Variants in PTPN13 observed in about 807,000 individuals in gnomAD.
PTPN13 encodes the protein tyrosine-protein phosphatase non-receptor type 13.
A neutral mutation model predicts 284.0 loss-of-function variants in PTPN13; 191 were observed. That is an observed-to-expected ratio of 0.67 (90% CI 0.60 to 0.76). The LOEUF (loss-of-function observed/expected upper bound fraction) is 0.76, where lower values mean the gene tolerates loss of function less well. Ranked by LOEUF, PTPN13 falls within the 30% of genes least tolerant of loss-of-function variation. The probability of loss-of-function intolerance (pLI) is 0.00; values close to 1 mark genes in which losing one functional copy is unlikely to be tolerated. For synonymous variants in PTPN13, 986 were observed against 1,022.3 expected (o/e 0.96, Z 0.68); for missense variants, 2,797 against 2,939.9 (o/e 0.95, Z 1.12).
At chr4:86,782,359 GTCT>G in intron 37 of PTPN13, 97 bp downstream of exon 37, 1 of 1,146,234 alleles carries the variant, frequency 8.7e-7, no homozygotes, top group Non-Finnish European at 1.3e-6. Flanking sequence ...TTAAATATTT[GTCT>G]TCTTTAGATA....
intron 17 of PTPN13, among the ~76,000 whole-genome samples, chr4:86,748,905 T>C (rs1158808721): frequency 1.3e-5 from 2 of 152,188 alleles, no homozygotes; most frequent in African/African-American, 4.8e-5. Context: ...TCCGCCCACC[T>C]CAGCCTCCCA....
intron 47 of PTPN13, 68 bp from the exon 48 acceptor site, chr4:86,814,388 A>G: frequency 9.9e-7 from 1 of 1,014,024 alleles, no homozygotes; most frequent in Non-Finnish European, 1.4e-6. Flanking sequence ...CAATAGTGGT[A>G]TAGCTATATA....
intron 47 of PTPN13, 103 bp downstream of exon 47, chr4:86,811,211 G>C: frequency 1.7e-6 from 2 of 1,158,952 alleles, no homozygotes; most frequent in East Asian, 5.5e-5. Flanking sequence ...TCCCATGTTA[G>C]AGCATAAAAC....
intron 5 of PTPN13, chr4:86,690,027 C>T: frequency 3.4e-6 from 1 of 292,110 alleles, no homozygotes; most frequent in Admixed American, 5.0e-5. Flanking sequence ...TGTCAGATGG[C>T]TGCCAGGAAT....
intron 1 of PTPN13, among the ~76,000 whole-genome samples, chr4:86,597,593 A>AAT (rs201337164): frequency 0.01 from 1,584 of 152,290 alleles, 10 homozygotes; most frequent in Non-Finnish European, 0.013. Flanking sequence ...GTGGAGTTCT[A>AAT]ATAATCCTTT....
rs933023975 is a variant in PTPN13 at position 86,619,552 on chromosome 4, C to T, written c.-5-15700C>T. Among the ~76,000 whole-genome samples, 5 of 152,066 alleles carry T rather than the reference C, an allele frequency of 3.3e-5. No homozygotes were observed. In the East Asian group the frequency reaches 7.7e-4, roughly 23 times the overall value. ...CATTTCTTAGGAGAAGTGGAAAAGGCAGTGGAGGGAGGGAAGAGTCCAGAT... is the reference window on the plus strand; with the variant it reads ...CATTTCTTAGGAGAAGTGGAAAAGGTAGTGGAGGGAGGGAAGAGTCCAGAT... On this transcript the variant is annotated intron_variant, in intron 1 of 47. Coordinates refer to ENST00000411767, the MANE Select transcript of PTPN13 (RefSeq NM_080683.3).
intron 12 of PTPN13, among the ~76,000 whole-genome samples, 200 bp from the exon 13 acceptor site, chr4:86,734,102 CG>C (rs1295539128): frequency 1.3e-5 from 2 of 152,040 alleles, no homozygotes; most frequent in Admixed American, 1.3e-4. Context: ...TCTTTAGAGC[CG>C]CCATTCTTAA....
At chr4:86,744,828 T>A in intron 16 of PTPN13, 138 bp from the exon 17 acceptor site, 1 of 699,858 alleles carries the variant, frequency 1.4e-6, no homozygotes, top group Non-Finnish European at 2.3e-6. Flanking sequence ...TCTTGGAACA[T>A]GTCTTTATTG....
At chr4:86,749,437 CAT>C (rs1430827051) in intron 17 of PTPN13, among the ~76,000 whole-genome samples, 3 of 152,162 alleles carry the variant, frequency 2.0e-5, no homozygotes, top group African/African-American at 4.8e-5. Flanking sequence ...AATGCAACAA[CAT>C]AGAATTGCTG....
rs146342973 is a variant in PTPN13 at position 86,679,537 on chromosome 4, T to C, written c.294+6994T>C. ...CCTGGAGGTGTGACGCAGCCACCTATGTTTTATCAGGCCCTTCAGGTGATT... is the reference window on the plus strand; with the variant it reads ...CCTGGAGGTGTGACGCAGCCACCTACGTTTTATCAGGCCCTTCAGGTGATT... On this transcript the variant is annotated intron_variant, in intron 3 of 47. Transcript: ENST00000411767. 7.8e-3 allele frequency among the ~76,000 whole-genome samples: 1,186 copies of C among 152,344 alleles called. 11 individuals carry two copies. Among genetic ancestry groups the C allele is most frequent in the Admixed American group, 0.015 (235 of 15,304 alleles).
chr4:86,795,121 G>T (rs944383335), intron 40 of PTPN13, among the ~76,000 whole-genome samples: 1 of 152,204 alleles, frequency 6.6e-6, no homozygotes, highest in African/African-American at 2.4e-5. Context: ...CCAAATGGGA[G>T]AAAACTTTTG....
intron 6 of PTPN13, among the ~76,000 whole-genome samples, chr4:86,697,105 T>A (rs1379239686): frequency 1.3e-5 from 2 of 152,064 alleles, no homozygotes; most frequent in East Asian, 1.9e-4. Context: ...GAAAAAAAAA[T>A]TATCTCTTGA....
Position 86,653,481 on chromosome 4 carries a change from G to A in PTPN13, c.115+18110G>A, listed in dbSNP as rs1022652806. Among the ~76,000 whole-genome samples, 6 of 151,274 alleles carry A rather than the reference G, an allele frequency of 4.0e-5. No homozygotes were observed. The East Asian group carries it at 7.7e-4, about 19-fold the overall frequency. The stretch of plus-strand genomic sequence containing the variant: ...AGCACTAGGGGGCGCCCTAAGCTCC[G>A]GAGCGCCTCAACTCTTTTTTTTTTT... On this transcript the variant is annotated intron_variant, in intron 2 of 47. Coordinates refer to ENST00000411767, the MANE Select transcript of PTPN13 (RefSeq NM_080683.3).
At chr4:86,802,440 C>T (rs929251363) in intron 42 of PTPN13, among the ~76,000 whole-genome samples, 5 of 152,012 alleles carry the variant, frequency 3.3e-5, no homozygotes, top group Admixed American at 6.6e-5. Context: ...TGATAAACCC[C>T]TTATCAAAAA....
intron 17 of PTPN13, among the ~76,000 whole-genome samples, chr4:86,748,749 G>C (rs1737060700): frequency 6.6e-6 from 1 of 151,994 alleles, no homozygotes. Context: ...TCTACCTCCC[G>C]GGTTCACGCC....
chr4:86,812,621 G>T (rs1429385526), intron 47 of PTPN13, among the ~76,000 whole-genome samples: 1 of 152,152 alleles, frequency 6.6e-6, no homozygotes, highest in Non-Finnish European at 1.5e-5. Context: ...GGGTCATGTA[G>T]ATCTCTGGGG....
At chr4:86,658,949 C>T (rs1382799750) in intron 2 of PTPN13, among the ~76,000 whole-genome samples, 1 of 151,956 alleles carries the variant, frequency 6.6e-6, no homozygotes, top group African/African-American at 2.4e-5. Flanking sequence ...TAAGAGCAGA[C>T]TGAACAGTAA....
chr4:86,681,935 GAAAA>G (rs757862103), intron 3 of PTPN13, among the ~76,000 whole-genome samples: 1 of 145,878 alleles, frequency 6.9e-6, no homozygotes, highest in East Asian at 2.0e-4. Flanking sequence ...TCAAAAAAAA[GAAAA>G]AAAAAGGAAA....
At chr4:86,683,837 A>G (rs1455167826) in intron 3 of PTPN13, among the ~76,000 whole-genome samples, 1 of 152,246 alleles carries the variant, frequency 6.6e-6, no homozygotes, top group East Asian at 1.9e-4. Flanking sequence ...TCAAAGAATC[A>G]TAAACCAAAA....
Sources: allele counts gnomAD v4.1 joint callset (sites outside exome capture counted in the v4.1 genomes callset), GRCh38; gene constraint gnomAD v4.1.1; transcripts MANE v1.5; gene names NCBI Gene and HGNC (gene_info 2026-07-23, HGNC 2026-07-21).